The following CYTIP variants were observed in gnomAD, a reference collection of about 807,000 sequenced individuals.
CYTIP encodes the protein cytohesin 1 interacting protein, also known as cytohesin-interacting protein.
A neutral mutation model predicts 43.8 loss-of-function variants in CYTIP; 26 were observed. That is an observed-to-expected ratio of 0.59 (90% confidence interval 0.44 to 0.82). The LOEUF (loss-of-function observed/expected upper bound fraction) is 0.82, where lower values mean the gene tolerates loss of function less well. CYTIP is among the 40% of genes least tolerant of loss of function. The pLI is 0.00. For synonymous variants in CYTIP, 162 were observed against 162.9 expected (o/e 0.99, Z 0.04); for missense variants, 426 against 443.1 (o/e 0.96, Z 0.35).
chr2:157,422,507 A>G (rs1685537748), intron 6 of CYTIP, among the ~76,000 whole-genome samples: 1 of 151,978 alleles, frequency 6.6e-6, no homozygotes, highest in Non-Finnish European at 1.5e-5. Context: ...TGTCTCTACT[A>G]AAAATACAAA....
chr2:157,430,532 C>G (rs1263625591), intron 5 of CYTIP, 27 bp downstream of exon 5: 2 of 1,590,710 alleles, frequency 1.3e-6, no homozygotes, highest in Non-Finnish European at 1.7e-6. Flanking sequence ...CATTTTGAAG[C>G]CCCACGGGAA....
chr2:157,432,645 C>A (rs1685729741), intron 3 of CYTIP, among the ~76,000 whole-genome samples: 1 of 152,156 alleles, frequency 6.6e-6, no homozygotes, highest in African/African-American at 2.4e-5. Context: ...TGATAAGCAG[C>A]ATAAAACTAG....
Position 157,423,132 on chromosome 2 carries a change from G to A in CYTIP, c.546+4219C>T, listed in dbSNP as rs778813221. Reference sequence around the variant, plus strand: ...AGAAAGAGCACTATAAGATCTACACGGTATAAATTTAGAAATGAATCCAGA... The same window carrying A: ...AGAAAGAGCACTATAAGATCTACACAGTATAAATTTAGAAATGAATCCAGA... On this transcript the variant is annotated intron_variant, in intron 6 of 7. Coordinates refer to ENST00000264192, the MANE Select transcript of CYTIP (RefSeq NM_004288.5). Among the ~76,000 whole-genome samples, 6 of 151,950 alleles carry A rather than the reference G, an allele frequency of 3.9e-5. No homozygotes were observed. The East Asian group carries it at 7.7e-4, about 20-fold the overall frequency.
chr2:157,435,479 A>C (rs562757609), intron 1 of CYTIP, among the ~76,000 whole-genome samples: 12 of 152,344 alleles, frequency 7.9e-5, no homozygotes, highest in Admixed American at 7.8e-4. Flanking sequence ...TATAAATAAT[A>C]TCACCTTCAT....
chr2:157,435,642 G>C (rs542844070), intron 1 of CYTIP, among the ~76,000 whole-genome samples: 1 of 152,134 alleles, frequency 6.6e-6, no homozygotes, highest in African/African-American at 2.4e-5. Flanking sequence ...TTGTTTCTTT[G>C]TTCAGGAAAT....
At chr2:157,427,859 C>T (rs1216783736) in intron 5 of CYTIP, among the ~76,000 whole-genome samples, 3 of 152,128 alleles carry the variant, frequency 2.0e-5, no homozygotes, top group Non-Finnish European at 2.9e-5. Flanking sequence ...ATAATAGGCT[C>T]TAGGGGCTTT....
intron 3 of CYTIP, among the ~76,000 whole-genome samples, chr2:157,431,610 G>GT (rs1344240227): frequency 1.3e-5 from 2 of 152,182 alleles, no homozygotes; most frequent in African/African-American, 2.4e-5. Context: ...GTGGTGGTGG[G>GT]TTTTTTTATT....
rs542782509 is a variant in CYTIP at position 157,436,332 on chromosome 2, A to G, written c.175-1585T>C. Among the ~76,000 whole-genome samples the G allele has an allele frequency of 7.2e-5, 11 of 152,272 alleles. No homozygotes were observed. In the South Asian group the frequency reaches 1.7e-3, roughly 23 times the overall value. On this transcript the variant is annotated intron_variant, in intron 1 of 7. Coordinates refer to ENST00000264192, the MANE Select transcript of CYTIP (RefSeq NM_004288.5). ...GTTAGTGGGCTTCCTTGCAGAAGAGAGCCACAAACTTGATATTTCCAAGCA... is the reference window on the plus strand; with the variant it reads ...GTTAGTGGGCTTCCTTGCAGAAGAGGGCCACAAACTTGATATTTCCAAGCA...
intron 1 of CYTIP, among the ~76,000 whole-genome samples, chr2:157,437,568 C>T (rs1485670759): frequency 6.6e-6 from 1 of 151,792 alleles, no homozygotes; most frequent in Admixed American, 6.6e-5. Flanking sequence ...GGCATGATGG[C>T]AGGTGCCTGT....
At chr2:157,439,651 CT>C (rs1040357994) in intron 1 of CYTIP, among the ~76,000 whole-genome samples, 1 of 152,144 alleles carries the variant, frequency 6.6e-6, no homozygotes, top group African/African-American at 2.4e-5. Flanking sequence ...CAACAGCTGT[CT>C]TTTATTACAC....
chr2:157,418,701 C>A (rs1012516797), intron 6 of CYTIP, 112 bp from the exon 7 acceptor site: 1 of 891,282 alleles, frequency 1.1e-6, no homozygotes, highest in Non-Finnish European at 1.6e-6. Context: ...ACCTTTCTTT[C>A]TAGTACTACC....
rs777325809 is a variant in CYTIP, at chr2:157,434,681, T to C, written c.224+17A>G. The stretch of plus-strand genomic sequence containing the variant: ...TAAATATTTTGGGAGAGACAAAAAA[T>C]AATTCAATCTCTTTACCTTTGAGAC... On this transcript the variant is annotated intron_variant, in intron 2 of 7. Transcript: ENST00000264192. 1.3e-6 allele frequency: 2 copies of C among 1,595,474 alleles called. No homozygotes were observed. Among genetic ancestry groups the C allele is most frequent in the South Asian group, 2.2e-5 (2 of 90,124 alleles).
intron 6 of CYTIP, among the ~76,000 whole-genome samples, chr2:157,426,395 G>A (rs1685607705): frequency 6.6e-6 from 1 of 152,238 alleles, no homozygotes; most frequent in Non-Finnish European, 1.5e-5. Context: ...AAAGCACAGA[G>A]ATAAGCACAG....
At chr2:157,434,302 G>T in intron 3 of CYTIP, 68 bp downstream of exon 3, 1 of 1,211,278 alleles carries the variant, frequency 8.3e-7, no homozygotes, top group Non-Finnish European at 1.2e-6. Context: ...TTTTTTCTTT[G>T]CACATAACAT....
At chr2:157,425,840 T>C (rs1685597072) in intron 6 of CYTIP, among the ~76,000 whole-genome samples, 1 of 152,118 alleles carries the variant, frequency 6.6e-6, no homozygotes, top group Admixed American at 6.5e-5. Flanking sequence ...CATAAAAATG[T>C]AGCAACAAAA....
At chr2:157,426,177 TG>T (rs1365662284) in intron 6 of CYTIP, among the ~76,000 whole-genome samples, 1 of 152,058 alleles carries the variant, frequency 6.6e-6, no homozygotes, top group African/African-American at 2.4e-5. Context: ...ATATAATAAA[TG>T]ATATGTAAAA....
At chr2:157,439,500 G>A (rs1185814999) in intron 1 of CYTIP, 6 of 152,086 alleles carry the variant, frequency 3.9e-5, no homozygotes, top group African/African-American at 1.4e-4. Context: ...TCCCTAGGGC[G>A]AGCAGCCTTA....
chr2:157,431,684 A>C (rs1170589461), intron 3 of CYTIP, among the ~76,000 whole-genome samples: 2 of 152,350 alleles, frequency 1.3e-5, no homozygotes, highest in East Asian at 3.9e-4. Flanking sequence ...ACCTATAACA[A>C]ATATAATTTT....
In CYTIP at chr2:157,434,777, C is replaced by T. The variant is rs187839972; in HGVS notation, c.175-30G>A. 3.0e-5 allele frequency: 47 copies of T among 1,552,528 alleles called. No individual in the cohort carries two copies. In the African/African-American group the frequency reaches 5.2e-4, roughly 17 times the overall value. On this transcript the variant is annotated intron_variant, in intron 1 of 7. Coordinates refer to ENST00000264192, the MANE Select transcript of CYTIP (RefSeq NM_004288.5). ...AAAACACAAAAGACATATAGTTATC[C>T]CAGGGTCTTCAAGATACACTGTAAA...
Sources: gnomAD v4.1 joint callset for allele counts (sites outside exome capture counted in the v4.1 genomes callset) on GRCh38, gnomAD v4.1.1 for gene constraint, MANE v1.5 for transcripts, NCBI Gene and HGNC (gene_info 2026-07-23, HGNC 2026-07-21) for gene names.